Variants in CCDC7 observed in about 807,000 individuals in gnomAD.
The protein encoded by CCDC7 is coiled-coil domain containing 7.
CCDC7 carries 183 observed loss-of-function variants against 196.9 expected under a neutral mutation model. The ratio of observed to expected loss-of-function variants is 0.93; its 90% confidence interval spans 0.82 to 1.05. The LOEUF is 1.05. Ranked by LOEUF, CCDC7 falls within the 50% of genes least tolerant of loss-of-function variation. The pLI, the probability that CCDC7 is intolerant of heterozygous loss-of-function variation, is 0.00. For synonymous variants in CCDC7, 525 were observed against 484.6 expected, an observed-to-expected ratio of 1.08 and a Z score of -1.10; for missense variants, 1,540 against 1,482.2, an observed-to-expected ratio of 1.04 and a Z score of -0.64.
chr10:32,500,456 G>A (rs181784890), intron 9 of CCDC7, among the ~76,000 whole-genome samples: 1,768 of 150,986 alleles, frequency 0.012, 13 homozygotes, highest in Non-Finnish European at 0.014. Context: ...AGGGGGCGGC[G>A]GGGCAGAGGT....
At chr10:32,811,459 A>G (rs1324208572) in intron 30 of CCDC7, among the ~76,000 whole-genome samples, 6 of 152,138 alleles carry the variant, frequency 3.9e-5, no homozygotes, top group Admixed American at 3.9e-4. Flanking sequence ...AAGAAATAGA[A>G]AATCTGGTTA....
intron 28 of CCDC7, among the ~76,000 whole-genome samples, chr10:32,740,613 G>A (rs868584016): frequency 1.6e-4 from 24 of 152,250 alleles, no homozygotes; most frequent in Middle Eastern, 3.4e-3. Flanking sequence ...ACCAAGGAAT[G>A]ACTGTATACA....
chr10:32,584,254 T>C, exon 18 of CCDC7: 1 of 1,592,324 alleles, frequency 6.3e-7, no homozygotes, highest in South Asian at 1.2e-5. Context: ...GAAGAACAAT[T>C]ACAAAAGATG....
chr10:32,604,357 A>G (rs2061365452), intron 18 of CCDC7, among the ~76,000 whole-genome samples: 1 of 152,130 alleles, frequency 6.6e-6, no homozygotes, highest in Non-Finnish European at 1.5e-5. Context: ...TATATTTTGA[A>G]GTCAGGTAGT....
intron 28 of CCDC7, among the ~76,000 whole-genome samples, chr10:32,733,658 G>A (rs1199012489): frequency 6.6e-6 from 1 of 151,738 alleles, no homozygotes; most frequent in Admixed American, 6.6e-5. Flanking sequence ...TTTCATTGAG[G>A]TTTTTCTGTT....
intron 20 of CCDC7, among the ~76,000 whole-genome samples, chr10:32,646,276 CTT>C (rs1302280737): frequency 6.7e-6 from 1 of 149,904 alleles, no homozygotes; most frequent in East Asian, 2.0e-4. Context: ...ACTTTCTTTT[CTT>C]TGATGCATTG....
intron 21 of CCDC7, among the ~76,000 whole-genome samples, chr10:32,671,083 A>C (rs1366320866): frequency 6.6e-6 from 1 of 152,208 alleles, no homozygotes; most frequent in African/African-American, 2.4e-5. Context: ...TGAATAAAGA[A>C]AATTCATTCA....
chr10:32,755,082 A>G (rs2076214551), intron 28 of CCDC7, among the ~76,000 whole-genome samples: 1 of 152,160 alleles, frequency 6.6e-6, no homozygotes, highest in South Asian at 2.1e-4. Flanking sequence ...GGCATCCACC[A>G]TTGCTGAGGC....
chr10:32,636,869 T>G lies in CCDC7; in HGVS notation c.2014+1711T>G, dbSNP rs2065753142. Reference sequence around the variant, plus strand: ...AACAGTGTAAAAGTGTTGCTATTTCTCCACATCCTCTCCAGCACCTGTTGT... The same window carrying G: ...AACAGTGTAAAAGTGTTGCTATTTCGCCACATCCTCTCCAGCACCTGTTGT... On this transcript the variant is annotated intron_variant, in intron 20 of 41. Coordinates refer to ENST00000639629, the Ensembl canonical transcript of CCDC7. Among the ~76,000 whole-genome samples, 5 of 152,256 alleles carry G rather than the reference T, an allele frequency of 3.3e-5. No individual in the cohort carries two copies. In the South Asian group the frequency reaches 1.0e-3, roughly 32 times the overall value.
rs9730847 is a variant in CCDC7, at chr10:32,564,572, A to G, written c.1135-986A>G. ...AAGAACAAAAAACCAAACACCGCAT[A>G]TTCTCACTCATAGGTGGGAATTGAA... On this transcript the variant is annotated intron_variant, in intron 13 of 41. Transcript: ENST00000639629. Among the ~76,000 whole-genome samples, 68 of 149,948 alleles carry G rather than the reference A, an allele frequency of 4.5e-4. 3 individuals are homozygous for G. The highest frequency in any genetic ancestry group is 4.4e-3 in the Admixed American group (65 of 14,932).
At chr10:32,643,594 T>G (rs1267603471) in intron 20 of CCDC7, among the ~76,000 whole-genome samples, 1 of 152,050 alleles carries the variant, frequency 6.6e-6, no homozygotes, top group Admixed American at 6.5e-5. Context: ...CTTTAATTTA[T>G]TTCTTTATGT....
intron 29 of CCDC7, among the ~76,000 whole-genome samples, chr10:32,797,183 A>G (rs865980293): frequency 2.1e-4 from 32 of 150,068 alleles, no homozygotes; most frequent in African/African-American, 5.7e-4. Context: ...GTGTGTGTGT[A>G]TATATATACG....
chr10:32,544,356 G>T lies in CCDC7; in HGVS notation c.1134+55G>T. 2.0e-6 allele frequency: 3 copies of T among 1,524,684 alleles called. No homozygotes were observed. The South Asian group carries it at 3.7e-5, about 19-fold the overall frequency. The allele number at this position is 1,524,684 out of a possible 1,614,324, so 94.4% of individuals were successfully genotyped here. On this transcript the variant is annotated intron_variant, in intron 13 of 41. Transcript: ENST00000639629. ...TATTTGATTAATACTTGCTCTGATA[G>T]TCATATATAGAGAAACATTATTACG...
At chr10:32,595,143 C>A (rs182773051) in intron 18 of CCDC7, among the ~76,000 whole-genome samples, 12 of 152,274 alleles carry the variant, frequency 7.9e-5, no homozygotes, top group African/African-American at 2.9e-4. Context: ...CCTCTTTGTA[C>A]CTCTGGCAGA....
intron 20 of CCDC7, among the ~76,000 whole-genome samples, chr10:32,662,752 C>A (rs897163881): frequency 6.6e-6 from 1 of 152,128 alleles, no homozygotes; most frequent in Non-Finnish European, 1.5e-5. Context: ...CAGTTAAGAT[C>A]TGGATTGTGC....
rs546915557 is a variant in CCDC7, at chr10:32,708,760, A to T, written c.2459-2860A>T. On this transcript the variant is annotated intron_variant, in intron 24 of 41. Transcript: ENST00000639629. ...GGCCGTCAGAGAAATGCAAATCAAA[A>T]CCACAATGAGATACCATCTCACACC... Among the ~76,000 whole-genome samples, 111 of 152,322 alleles carry T rather than the reference A, an allele frequency of 7.3e-4. 1 individual carries two copies. The highest frequency in any genetic ancestry group is 3.4e-3 in the Middle Eastern group (1 of 294).
chr10:32,735,043 A>G (rs781433282), intron 28 of CCDC7, among the ~76,000 whole-genome samples: 2 of 141,626 alleles, frequency 1.4e-5, no homozygotes, highest in Non-Finnish European at 3.1e-5. Context: ...AGTCTTTTGT[A>G]AACAGTTTAG....
chr10:32,563,005 A>C (rs2056043758), intron 13 of CCDC7, among the ~76,000 whole-genome samples: 2 of 152,188 alleles, frequency 1.3e-5, no homozygotes, highest in Admixed American at 1.3e-4. Context: ...CTTATACACC[A>C]ATGACAGACA....
chr10:32,575,724 A>C (rs1217314920), intron 16 of CCDC7, among the ~76,000 whole-genome samples: 2 of 152,132 alleles, frequency 1.3e-5, no homozygotes, highest in African/African-American at 4.8e-5. Flanking sequence ...AAACCACAAA[A>C]AGAGGGAAGA....
Sources: gnomAD v4.1 joint callset for allele counts (sites outside exome capture counted in the v4.1 genomes callset) on GRCh38, gnomAD v4.1.1 for gene constraint, MANE v1.5 for transcripts, NCBI Gene and HGNC (gene_info 2026-07-23, HGNC 2026-07-21) for gene names.